The following CA10 variants were observed in gnomAD, a reference collection of about 807,000 sequenced individuals.
The protein encoded by CA10 is carbonic anhydrase-related protein 10.
Under a neutral mutation model 44.2 loss-of-function variants are expected in CA10, and 14 were observed. The ratio of observed to expected loss-of-function variants is 0.32; its 90% CI spans 0.21 to 0.50. The LOEUF (loss-of-function observed/expected upper bound fraction) is 0.50, where lower values mean the gene tolerates loss of function less well. CA10 is among the 20% of genes least tolerant of loss of function. The probability of loss-of-function intolerance (pLI) is 0.99; values close to 1 mark genes in which losing one functional copy is unlikely to be tolerated. For missense variants in CA10, 350 were observed against 409.7 expected (o/e 0.85, Z 1.26); for synonymous variants, 159 against 141.6 (o/e 1.12, Z -0.87).
intron 4 of CA10, among the ~76,000 whole-genome samples, chr17:51,691,939 C>T (rs1915209909): frequency 6.6e-6 from 1 of 152,172 alleles, no homozygotes; most frequent in Non-Finnish European, 1.5e-5. Context: ...ATACTTAAAA[C>T]ATGGCTCTTA....
At chr17:51,929,469 T>C (rs2143990430) in intron 3 of CA10, among the ~76,000 whole-genome samples, 1 of 152,274 alleles carries the variant, frequency 6.6e-6, no homozygotes, top group East Asian at 1.9e-4. Context: ...CTTCGCTCCC[T>C]GTGTTCAGCC....
intron 2 of CA10, among the ~76,000 whole-genome samples, chr17:52,028,803 G>C (rs1986377324): frequency 6.6e-6 from 1 of 152,168 alleles, no homozygotes; most frequent in African/African-American, 2.4e-5. Flanking sequence ...CAAAATTGTT[G>C]ACTCTTAGAG....
intron 3 of CA10, among the ~76,000 whole-genome samples, chr17:51,849,183 GTATATATA>G (rs56120539): frequency 1.3e-5 from 1 of 76,548 alleles, no homozygotes; most frequent in Admixed American, 1.7e-4. Context: ...ATACATATAT[GTATATATA>G]TATATACATA....
chr17:52,012,229 C>T (rs894201682), intron 2 of CA10, among the ~76,000 whole-genome samples: 3 of 152,124 alleles, frequency 2.0e-5, no homozygotes, highest in African/African-American at 7.2e-5. Context: ...CTTTCAAAAT[C>T]TCTAATTCTT....
chr17:52,075,665 C>T (rs1987799432), intron 1 of CA10, among the ~76,000 whole-genome samples: 1 of 152,134 alleles, frequency 6.6e-6, no homozygotes, highest in South Asian at 2.1e-4. Flanking sequence ...AATTGCCACT[C>T]TTTCATTATA....
At chr17:51,947,853 A>G (rs766277942) in intron 2 of CA10, among the ~76,000 whole-genome samples, 5 of 152,042 alleles carry the variant, frequency 3.3e-5, no homozygotes, top group Non-Finnish European at 5.9e-5. Context: ...ATGGAGCAAC[A>G]TATGTCCAGT....
chr17:51,925,876 A>T (rs960695080), intron 3 of CA10, among the ~76,000 whole-genome samples: 1 of 152,168 alleles, frequency 6.6e-6, no homozygotes, highest in African/African-American at 2.4e-5. Context: ...TATATGAGGT[A>T]CCTAGAGCAG....
intron 4 of CA10, among the ~76,000 whole-genome samples, chr17:51,733,115 GCC>G (rs1567820943): frequency 6.6e-6 from 1 of 152,176 alleles, no homozygotes; most frequent in Non-Finnish European, 1.5e-5. Flanking sequence ...AGGAACTAGA[GCC>G]CCCAGAGGAC....
At chr17:51,789,160 C>T (rs749369419) in intron 3 of CA10, among the ~76,000 whole-genome samples, 3 of 152,020 alleles carry the variant, frequency 2.0e-5, no homozygotes, top group African/African-American at 7.2e-5. Context: ...GAACTACAAG[C>T]GTGCGCCACC....
At chr17:52,008,753 A>T (rs1985687409) in intron 2 of CA10, among the ~76,000 whole-genome samples, 1 of 151,888 alleles carries the variant, frequency 6.6e-6, no homozygotes, top group African/African-American at 2.4e-5. Flanking sequence ...GAACTGAAAC[A>T]TGAATGTATT....
chr17:52,110,399 C>A (rs1988764241), intron 1 of CA10, among the ~76,000 whole-genome samples: 1 of 152,192 alleles, frequency 6.6e-6, no homozygotes. Context: ...CCCTTAACCT[C>A]TCTGAGCCTC....
intron 3 of CA10, among the ~76,000 whole-genome samples, chr17:51,878,478 T>G (rs1341504722): frequency 6.6e-6 from 1 of 152,014 alleles, no homozygotes; most frequent in Non-Finnish European, 1.5e-5. Context: ...CAATCTGTCA[T>G]AGGATATTTT....
chr17:51,632,176 T>C (rs7217101), intron 8 of CA10, among the ~76,000 whole-genome samples: 1 of 152,214 alleles, frequency 6.6e-6, no homozygotes. Context: ...GCTTCAAAAC[T>C]TAACATATTT....
intron 4 of CA10, among the ~76,000 whole-genome samples, chr17:51,708,869 G>T (rs1240203750): frequency 6.6e-6 from 1 of 152,224 alleles, no homozygotes. Context: ...CCAGTGGTTT[G>T]CCAGGGGCCC....
chr17:51,892,706 T>C (rs1980910556), intron 3 of CA10, among the ~76,000 whole-genome samples: 1 of 152,148 alleles, frequency 6.6e-6, no homozygotes. Context: ...CAGACATAGG[T>C]GGGATCAGCT....
intron 2 of CA10, among the ~76,000 whole-genome samples, chr17:52,044,542 C>G (rs537147849): frequency 3.3e-5 from 5 of 151,812 alleles, no homozygotes; most frequent in Non-Finnish European, 7.4e-5. Context: ...GAGCTCAAGC[C>G]CTCCACCCAC....
chr17:51,856,322 G>A (rs1415617605), intron 3 of CA10, among the ~76,000 whole-genome samples: 1 of 151,808 alleles, frequency 6.6e-6, no homozygotes, highest in African/African-American at 2.4e-5. Context: ...TATTTAAGGG[G>A]TCATCCACAT....
intron 2 of CA10, among the ~76,000 whole-genome samples, chr17:51,970,466 G>A (rs1476579902): frequency 6.6e-6 from 1 of 152,040 alleles, no homozygotes; most frequent in Non-Finnish European, 1.5e-5. Context: ...TACTACTGCA[G>A]CGTATTTTAA....
At chr17:51,767,665 G>A (rs1905437839) in intron 3 of CA10, among the ~76,000 whole-genome samples, 1 of 151,616 alleles carries the variant, frequency 6.6e-6, no homozygotes, top group Admixed American at 6.6e-5. Flanking sequence ...TTATTACATT[G>A]TAACATATAA....
Sources: gnomAD v4.1 joint callset for allele counts (sites outside exome capture counted in the v4.1 genomes callset) on GRCh38, gnomAD v4.1.1 for gene constraint, MANE v1.5 for transcripts, NCBI Gene and HGNC (gene_info 2026-07-23, HGNC 2026-07-21) for gene names.